Variants in DCLK2 observed in about 807,000 individuals in gnomAD.
DCLK2 encodes the protein serine/threonine-protein kinase DCLK2.
DCLK2 carries 31 observed loss-of-function variants against 78.4 expected under a neutral mutation model. That is an observed-to-expected ratio of 0.40 (90% CI 0.30 to 0.53). DCLK2 has a LOEUF of 0.53. DCLK2 is among the 20% of genes least tolerant of loss of function. DCLK2 has a pLI of 0.61. For synonymous variants in DCLK2, 407 were observed against 374.9 expected (o/e 1.09, Z -0.99); for missense variants, 872 against 973.7 (o/e 0.90, Z 1.39).
chr4:150,086,549 C>CA (rs1560758610), intron 1 of DCLK2, among the ~76,000 whole-genome samples: 1 of 150,788 alleles, frequency 6.6e-6, no homozygotes. Flanking sequence ...CTCTGTCTGC[C>CA]AGGCTGGAGT....
At position 150,078,813 on chromosome 4, in the gene DCLK2, C is replaced by G. The variant is rs909143137; in HGVS notation, c.-215C>G. 1.3e-5 allele frequency: 7 copies of G among 521,870 alleles called. No homozygotes were observed. The highest frequency in any genetic ancestry group is 2.2e-5 in the Non-Finnish European group (7 of 316,150). 32.3% of individuals were successfully genotyped at this position (521,870 alleles called of 1,614,324 possible). A position where few individuals can be genotyped will look rare whatever the true frequency, so the allele number is the denominator to read the frequency against. On this transcript the variant is annotated 5_prime_UTR_variant, in exon 1 of 16. Transcript: ENST00000296550. ...GGAGCAAGTCGCACTGGACAATGACCTGGGCAGCTCGGCGCTGCGGACACT... is the reference window on the plus strand; with the variant it reads ...GGAGCAAGTCGCACTGGACAATGACGTGGGCAGCTCGGCGCTGCGGACACT...
Position 150,249,564 on chromosome 4 carries a change from G to A in DCLK2, c.1957-4G>A, listed in dbSNP as rs151010778. On this transcript the variant is annotated splice_region_variant and splice_polypyrimidine_tract_variant and intron_variant, in intron 14 of 15. Coordinates refer to ENST00000296550, the MANE Select transcript of DCLK2 (RefSeq NM_001040260.4). ...ATTGTATTTGATTGTTTTCTTTCCT[G>A]TAGGATGATGCCTCCCAGGAGAATA... 4 of 1,612,140 alleles carry A rather than the reference G, an allele frequency of 2.5e-6. No individual in the cohort carries two copies. Among genetic ancestry groups the A allele is most frequent in the Non-Finnish European group, 3.4e-6 (4 of 1,178,542 alleles).
chr4:150,151,304 G>T (rs1460819796), intron 2 of DCLK2, among the ~76,000 whole-genome samples: 1 of 152,138 alleles, frequency 6.6e-6, no homozygotes, highest in African/African-American at 2.4e-5. Context: ...AGTGAATGAT[G>T]GGTCTGGGGA....
At chr4:150,217,117 A>G (rs1740780000) in intron 5 of DCLK2, among the ~76,000 whole-genome samples, 2 of 152,192 alleles carry the variant, frequency 1.3e-5, no homozygotes, top group East Asian at 1.9e-4. Context: ...CTTGAATGCC[A>G]TATTTGATCT....
intron 2 of DCLK2, among the ~76,000 whole-genome samples, chr4:150,175,270 G>A (rs946610486): frequency 4.3e-5 from 6 of 138,670 alleles, no homozygotes; most frequent in African/African-American, 1.7e-4. Context: ...TCCTGTGTTG[G>A]TGGGACTATT....
chr4:150,082,014 A>AG (rs1012125598), intron 1 of DCLK2, among the ~76,000 whole-genome samples: 1 of 151,158 alleles, frequency 6.6e-6, no homozygotes, highest in African/African-American at 2.4e-5. Context: ...AAAAAAAAAA[A>AG]GAAAAGAAAA....
intron 1 of DCLK2, among the ~76,000 whole-genome samples, chr4:150,092,654 C>T (rs1730166838): frequency 6.6e-6 from 1 of 151,864 alleles, no homozygotes; most frequent in Non-Finnish European, 1.5e-5. Context: ...GGGTTTTTGT[C>T]CTATTTCTTA....
At chr4:150,245,805 G>A (rs531779938) in intron 12 of DCLK2, among the ~76,000 whole-genome samples, 1 of 152,218 alleles carries the variant, frequency 6.6e-6, no homozygotes, top group African/African-American at 2.4e-5. Context: ...TTACACTGTT[G>A]GTGGGACTGT....
chr4:150,101,493 GA>G (rs1560772436), intron 1 of DCLK2, among the ~76,000 whole-genome samples: 1 of 151,818 alleles, frequency 6.6e-6, no homozygotes, highest in Non-Finnish European at 1.5e-5. Flanking sequence ...TATTGTTAAC[GA>G]TGAGTGTTAT....
chr4:150,078,624 G>C lies in DCLK2; in HGVS notation c.-404G>C, dbSNP rs1728989016. The C allele has an allele frequency of 6.5e-6, 1 of 153,404 alleles. No individual in the cohort carries two copies. The highest frequency in any genetic ancestry group is 1.4e-5 in the Non-Finnish European group (1 of 69,106). 9.5% of individuals were successfully genotyped at this position (153,404 alleles called of 1,614,324 possible). A position where few individuals can be genotyped will look rare whatever the true frequency, so the allele number is the denominator to read the frequency against. On this transcript the variant is annotated 5_prime_UTR_variant, in exon 1 of 16. Coordinates refer to ENST00000296550, the MANE Select transcript of DCLK2 (RefSeq NM_001040260.4). ...TCCTCCCCTCGGCGCTCCCGGGAGC[G>C]CTCGGCAGACGCCCGAGCTTTGTGG...
Position 150,256,508 on chromosome 4 carries a change from C to T in DCLK2, c.*261C>T. 1 of 441,734 alleles carries T rather than the reference C, an allele frequency of 2.3e-6. No homozygotes were observed. Among genetic ancestry groups the T allele is most frequent in the Non-Finnish European group, 4.0e-6 (1 of 252,966 alleles). The allele number at this position is 441,734 out of a possible 1,614,324, so 27.4% of individuals were successfully genotyped here. A position where few individuals can be genotyped will look rare whatever the true frequency, so the allele number is the denominator to read the frequency against. On this transcript the variant is annotated 3_prime_UTR_variant, in exon 16 of 16. Transcript: ENST00000296550. Reference sequence around the variant, plus strand: ...CTGTTCGGAGAGACTCGTTCCAGATCATCCCGTCATTTTCAGTTTGTTGGA... The same window carrying T: ...CTGTTCGGAGAGACTCGTTCCAGATTATCCCGTCATTTTCAGTTTGTTGGA...
At chr4:150,167,751 C>A (rs888171109) in intron 2 of DCLK2, among the ~76,000 whole-genome samples, 1 of 152,158 alleles carries the variant, frequency 6.6e-6, no homozygotes, top group Non-Finnish European at 1.5e-5. Context: ...ATAGAAAACA[C>A]CCAAAACTGG....
At chr4:150,241,978 GT>G (rs1366768109) in intron 12 of DCLK2, among the ~76,000 whole-genome samples, 1 of 152,180 alleles carries the variant, frequency 6.6e-6, no homozygotes, top group Non-Finnish European at 1.5e-5. Flanking sequence ...ATGGCATGGT[GT>G]TTATAGTGTT....
At chr4:150,206,016 C>G (rs896557413) in intron 5 of DCLK2, among the ~76,000 whole-genome samples, 2 of 152,174 alleles carry the variant, frequency 1.3e-5, no homozygotes, top group Non-Finnish European at 2.9e-5. Context: ...TCCCAGCTCC[C>G]GTCTTCCTAG....
intron 2 of DCLK2, among the ~76,000 whole-genome samples, chr4:150,125,239 A>G (rs1271015813): frequency 6.6e-6 from 1 of 152,206 alleles, no homozygotes; most frequent in Non-Finnish European, 1.5e-5. Context: ...CATTTATCTT[A>G]TGAATCTCTG....
chr4:150,169,485 C>T (rs1736347693), intron 2 of DCLK2, among the ~76,000 whole-genome samples: 1 of 151,934 alleles, frequency 6.6e-6, no homozygotes, highest in Non-Finnish European at 1.5e-5. Flanking sequence ...ATGGTGAAAC[C>T]CCTTCTCTAC....
At position 150,102,771 on chromosome 4, in the gene DCLK2, T is replaced by C. The variant is rs781200753; in HGVS notation, c.715T>C (p.Ser239Pro). The C allele has an allele frequency of 6.2e-7, 1 of 1,613,536 alleles. No individual in the cohort carries two copies. The highest frequency in any genetic ancestry group is 8.5e-7 in the Non-Finnish European group (1 of 1,179,860). ...TATCACCGAAGCCATTAAACTAGAC[T>C]CAGGAGTCGTCAAGAGGCTCTGCAC... is the stretch of plus-strand genomic sequence containing the variant. ...TDITEAIKLDSGVVKRLCTLD... is the reference protein window; with the variant it reads ...TDITEAIKLDPGVVKRLCTLD... The change falls in exon 2 of 16, where the codon TCA (serine) becomes CCA (proline). Residue 239 changes from serine to proline, a missense_variant. Physicochemically the swap from Ser to Pro is moderately conservative, Grantham distance 74. Around this residue, in one of 3 missense-constraint regions of DCLK2, gnomAD observed 567 missense variants for 593.4 expected, o/e 0.96. Coordinates refer to ENST00000296550, the MANE Select transcript of DCLK2 (RefSeq NM_001040260.4).
At chr4:150,239,193 C>T (rs1287299652) in intron 10 of DCLK2, among the ~76,000 whole-genome samples, 5 of 152,172 alleles carry the variant, frequency 3.3e-5, no homozygotes, top group Non-Finnish European at 1.5e-5. Context: ...AGGGAAGGAA[C>T]TTTCTGCAAA....
At chr4:150,132,352 T>C (rs1454163269) in intron 2 of DCLK2, among the ~76,000 whole-genome samples, 1 of 152,222 alleles carries the variant, frequency 6.6e-6, no homozygotes, top group African/African-American at 2.4e-5. Flanking sequence ...CAGTGGGTAA[T>C]GTGGACTGTG....
Sources: gnomAD v4.1 joint callset for allele counts (sites outside exome capture counted in the v4.1 genomes callset) on GRCh38, gnomAD v4.1.1 for gene constraint, gnomAD v4.1.1 regional missense constraint, MANE v1.5 for transcripts, NCBI Gene and HGNC (gene_info 2026-07-23, HGNC 2026-07-21) for gene names.